VPS37A: variants seen among roughly 807,000 people sequenced by gnomAD.
VPS37A encodes vacuolar protein sorting-associated protein 37A.
VPS37A carries 30 observed loss-of-function variants against 49.8 expected under a neutral mutation model. The ratio of observed to expected loss-of-function variants is 0.60; its 90% CI spans 0.45 to 0.82. VPS37A has a LOEUF of 0.82. Ranked by LOEUF, VPS37A falls within the 40% of genes least tolerant of loss-of-function variation. The probability of loss-of-function intolerance (pLI) is 0.00; values close to 1 mark genes in which losing one functional copy is unlikely to be tolerated. For missense variants in VPS37A, 593 were observed against 464.4 expected (o/e 1.28, Z -2.55); for synonymous variants, 195 against 160.6 (o/e 1.21, Z -1.62).
At chr8:17,313,450 T>A in the VPS37A span, 2 of 1,191,834 alleles carry the variant, frequency 1.7e-6, no homozygotes, top group Middle Eastern at 2.0e-4. Flanking sequence ...ACTCTCTCAT[T>A]TTACATATGA....
At chr8:17,262,665 G>C (rs947570518) in intron 1 of VPS37A, among the ~76,000 whole-genome samples, 2 of 151,986 alleles carry the variant, frequency 1.3e-5, no homozygotes, top group Non-Finnish European at 2.9e-5. Flanking sequence ...TTATCAAAGT[G>C]TGGTTTGTAA....
At chr8:17,275,532 A>T (rs1814437043) in intron 5 of VPS37A, among the ~76,000 whole-genome samples, 1 of 152,196 alleles carries the variant, frequency 6.6e-6, no homozygotes, top group African/African-American at 2.4e-5. Flanking sequence ...GGGCAAAGGC[A>T]GAAGAATGAT....
At chr8:17,312,372 C>T in the VPS37A span, among the ~76,000 whole-genome samples, 48 of 152,086 alleles carry the variant, frequency 3.2e-4, no homozygotes, top group Non-Finnish European at 2.1e-4. Context: ...GTCAGGAGTC[C>T]GTGACCAGCC....
intron 3 of VPS37A, among the ~76,000 whole-genome samples, chr8:17,268,615 AG>A (rs1813691872): frequency 1.3e-5 from 2 of 152,174 alleles, no homozygotes; most frequent in Admixed American, 6.5e-5. Context: ...TAAATAGTCA[AG>A]TAAGGAAATA....
In VPS37A at chr8:17,280,117, A is replaced by C. The variant is rs747192590; in HGVS notation, c.803A>C (p.Asp268Ala). Reference protein sequence around the residue: ...TLPQLKQIITDKDDLVKSIEE... With the variant: ...TLPQLKQIITAKDDLVKSIEE... ...CCTCAACTAAAACAAATTATTACCG[A>C]CAAAGATGACTTAGTAAAAAGTATT... The change falls in exon 7 of 12, where the codon GAC becomes GCC. Residue 268 changes from aspartate (D) to alanine (A), a missense_variant. By Grantham distance (126) the Asp-to-Ala change is moderately radical (BLOSUM62 -2). Transcript: ENST00000324849. The C allele has an allele frequency of 1.2e-6, 2 of 1,612,762 alleles. No homozygotes were observed. The highest frequency in any genetic ancestry group is 8.5e-7 in the Non-Finnish European group (1 of 1,179,300).
intron 11 of VPS37A, among the ~76,000 whole-genome samples, chr8:17,293,361 A>G (rs1483375649): frequency 6.6e-6 from 1 of 151,756 alleles, no homozygotes; most frequent in Non-Finnish European, 1.5e-5. Flanking sequence ...AATTCTTCTA[A>G]CCTTTTATCA....
intron 9 of VPS37A, among the ~76,000 whole-genome samples, chr8:17,283,869 C>G (rs111260737): frequency 7.7e-4 from 117 of 152,200 alleles, no homozygotes; most frequent in African/African-American, 2.7e-3. Context: ...AAAAAATGCC[C>G]TTGAGATTTT....
At chr8:17,266,569 G>C (rs1380643544) in intron 2 of VPS37A, among the ~76,000 whole-genome samples, 1 of 152,176 alleles carries the variant, frequency 6.6e-6, no homozygotes, top group African/African-American at 2.4e-5. Context: ...GATTACCTGA[G>C]GTTACATTAA....
the VPS37A span, among the ~76,000 whole-genome samples, chr8:17,330,676 G>A: frequency 6.6e-6 from 1 of 152,304 alleles, no homozygotes; most frequent in African/African-American, 2.4e-5. Context: ...GGTGGCGGGA[G>A]GTTACATGCA....
chr8:17,259,538 A>G (rs1046973028), intron 1 of VPS37A, among the ~76,000 whole-genome samples: 12 of 152,142 alleles, frequency 7.9e-5, no homozygotes, highest in Admixed American at 7.9e-4. Flanking sequence ...TGAAAAGAAC[A>G]TATTCTGCAG....
At chr8:17,302,650 GCTTTTAT>G (rs1817192270), downstream of VPS37A, among the ~76,000 whole-genome samples, 1 of 125,490 alleles carries the variant, frequency 8.0e-6, no homozygotes, top group Non-Finnish European at 1.6e-5. Flanking sequence ...TAAACTTGCA[GCTTTTAT>G]CTTTTGTATC....
rs189594590 is a variant in VPS37A at position 17,292,927 on chromosome 8, C to T, written c.*1-2060C>T. Among the ~76,000 whole-genome samples, 332 of 152,030 alleles carry T rather than the reference C, an allele frequency of 2.2e-3. 3 individuals are homozygous for T. Among genetic ancestry groups the T allele is most frequent in the Middle Eastern group, 3.4e-3 (1 of 292 alleles). On this transcript the variant is annotated intron_variant, in intron 11 of 11. Transcript: ENST00000324849. Reference sequence around the variant, plus strand: ...TCAACCTTGGTAAATCTGACAATTACGTCTTGGGTTTGCTCTTCTCAAGGA... The same window carrying T: ...TCAACCTTGGTAAATCTGACAATTATGTCTTGGGTTTGCTCTTCTCAAGGA...
chr8:17,303,687 G>A (rs746384408), downstream of VPS37A, among the ~76,000 whole-genome samples: 1 of 150,068 alleles, frequency 6.7e-6, no homozygotes, highest in Non-Finnish European at 1.5e-5. Flanking sequence ...TCGGCTCACC[G>A]CAACCTCCTC....
intron 1 of VPS37A, among the ~76,000 whole-genome samples, chr8:17,250,835 G>T (rs1431523857): frequency 6.6e-6 from 1 of 152,166 alleles, no homozygotes; most frequent in Non-Finnish European, 1.5e-5. Flanking sequence ...CGGCAAATGA[G>T]ATAACTGTCA....
At chr8:17,308,784 T>C in the VPS37A span, among the ~76,000 whole-genome samples, 1 of 152,104 alleles carries the variant, frequency 6.6e-6, no homozygotes, top group Non-Finnish European at 1.5e-5. Context: ...AGACAGTGAA[T>C]ATCATGGCCT....
chr8:17,268,704 G>A (rs1418075761), intron 3 of VPS37A, 152 bp from the exon 4 acceptor site: 2 of 631,666 alleles, frequency 3.2e-6, no homozygotes, highest in Non-Finnish European at 5.4e-6. Context: ...GATTCTATAA[G>A]AAAATGCTAT....
intron 2 of VPS37A, among the ~76,000 whole-genome samples, chr8:17,266,954 G>A (rs978973910): frequency 5.9e-5 from 9 of 151,926 alleles, no homozygotes; most frequent in African/African-American, 1.9e-4. Flanking sequence ...TGAATTTTCA[G>A]TAGAGACGAG....
At chr8:17,256,838 G>C (rs1267189157) in intron 1 of VPS37A, among the ~76,000 whole-genome samples, 2 of 152,018 alleles carry the variant, frequency 1.3e-5, no homozygotes, top group South Asian at 2.1e-4. Flanking sequence ...CTTTAGTAGA[G>C]ACAGGGTTTC....
chr8:17,327,777 G>A, the VPS37A span, among the ~76,000 whole-genome samples: 1 of 152,126 alleles, frequency 6.6e-6, no homozygotes, highest in African/African-American at 2.4e-5. Flanking sequence ...AAAATTGGGT[G>A]GCAAATGGTA....
Sources: gnomAD v4.1 joint callset for allele counts (sites outside exome capture counted in the v4.1 genomes callset) on GRCh38, gnomAD v4.1.1 for gene constraint, MANE v1.5 for transcripts, NCBI Gene and HGNC (gene_info 2026-07-23, HGNC 2026-07-21) for gene names.